The following TMEM41B variants were observed in gnomAD, a reference collection of about 807,000 sequenced individuals.
TMEM41B encodes the protein transmembrane protein 41B.
In TMEM41B, 18 loss-of-function variants were observed where a neutral mutation model predicts 31.9. That is an observed-to-expected ratio of 0.56 (90% CI 0.39 to 0.84). TMEM41B has a LOEUF of 0.84. Ranked by LOEUF, TMEM41B falls within the 40% of genes least tolerant of loss-of-function variation. TMEM41B has a pLI of 0.00. For synonymous variants in TMEM41B, 144 were observed against 124.3 expected, an observed-to-expected ratio of 1.16 and a Z score of -1.05; for missense variants, 322 against 348.0, an observed-to-expected ratio of 0.93 and a Z score of 0.59.
In TMEM41B at chr11:9,288,528, T is replaced by C. The variant is rs754702416; in HGVS notation, c.376A>G (p.Thr126Ala). Reference sequence around the variant, plus strand: ...AATATAGAGCCTGGAATAGCAAATGTTTGCAAGCTGGTAACTTTTAAGTTA... The same window carrying C: ...AATATAGAGCCTGGAATAGCAAATGCTTGCAAGCTGGTAACTTTTAAGTTA... ...AYFATYIFLQ[T>A]FAIPGSIFLS... The change falls in exon 4 of 7, where the codon ACA (threonine) becomes GCA (alanine). Residue 126 changes from threonine (T) to alanine (A), a missense_variant. Thr to Ala is a moderately conservative substitution (Grantham distance 58). Around this residue, in one of 3 missense-constraint regions of TMEM41B, gnomAD observed 183 missense variants for 175.3 expected, o/e 1.04. Transcript: ENST00000528080. 1.3e-6 allele frequency: 2 copies of C among 1,573,684 alleles called. No individual in the cohort carries two copies. Among genetic ancestry groups the C allele is most frequent in the African/African-American group, 2.7e-5 (2 of 72,878 alleles).
At chr11:9,297,442 C>T (rs561187327) in intron 2 of TMEM41B, among the ~76,000 whole-genome samples, 23 of 152,270 alleles carry the variant, frequency 1.5e-4, no homozygotes, top group Admixed American at 5.2e-4. Flanking sequence ...GCCTGTAATC[C>T]CAGCACTTTG....
chr11:9,300,177 T>C (rs544336571), intron 1 of TMEM41B, among the ~76,000 whole-genome samples: 187 of 152,310 alleles, frequency 1.2e-3, no homozygotes, highest in African/African-American at 4.3e-3. Context: ...TGAAGTTTAA[T>C]AACTGGATAT....
intron 4 of TMEM41B, 66 bp from the exon 5 acceptor site, chr11:9,287,872 C>G: frequency 1.7e-6 from 2 of 1,163,416 alleles, no homozygotes; most frequent in Non-Finnish European, 2.5e-6. Context: ...ATTTATTCAC[C>G]TGAGTAAAAA....
chr11:9,291,036 A>G (rs1307818190), intron 3 of TMEM41B, among the ~76,000 whole-genome samples: 1 of 152,138 alleles, frequency 6.6e-6, no homozygotes, highest in Non-Finnish European at 1.5e-5. Context: ...GAATCTCTTG[A>G]ACCCAGAGGG....
intron 4 of TMEM41B, chr11:9,288,189 T>A: frequency 3.0e-6 from 1 of 335,094 alleles, no homozygotes; most frequent in Non-Finnish European, 5.4e-6. Context: ...CCAACACTCC[T>A]TGGACTGTCG....
rs139926500 is a variant in TMEM41B, at chr11:9,306,117, T to A, written c.122-6416A>T. Among the ~76,000 whole-genome samples, 331 of 151,830 alleles carry A rather than the reference T, an allele frequency of 2.2e-3. 1 individual carries two copies. Among genetic ancestry groups the A allele is most frequent in the African/African-American group, 7.7e-3 (317 of 41,432 alleles). On this transcript the variant is annotated intron_variant, in intron 1 of 6. Coordinates refer to ENST00000528080, the MANE Select transcript of TMEM41B (RefSeq NM_015012.4). ...CCTCAGCCTCCCAAGCAACTGGGAT[T>A]ACAGGCATGGGCCACCACCCCCAGC... is the stretch of plus-strand genomic sequence containing the variant.
chr11:9,287,117 C>A (rs1852854351), intron 5 of TMEM41B, among the ~76,000 whole-genome samples: 1 of 151,786 alleles, frequency 6.6e-6, no homozygotes, highest in South Asian at 2.1e-4. Context: ...ACCAGCCTGG[C>A]CAACATGGTA....
At chr11:9,296,629 A>G (rs1347363426) in intron 2 of TMEM41B, among the ~76,000 whole-genome samples, 1 of 151,366 alleles carries the variant, frequency 6.6e-6, no homozygotes, top group African/African-American at 2.4e-5. Context: ...AAAAAGAAAG[A>G]AAGAAAAAAA....
intron 1 of TMEM41B, chr11:9,311,165 G>C (rs1320170896): frequency 8.4e-7 from 1 of 1,186,334 alleles, no homozygotes; most frequent in Non-Finnish European, 1.1e-6. Flanking sequence ...AAGCTCAGGC[G>C]GGGGTAGGGT....
At position 9,287,809 on chromosome 11, in the gene TMEM41B, G is replaced by A. The variant is rs1477531925; in HGVS notation, c.463-3C>T. The stretch of plus-strand genomic sequence containing the variant: ...AAAGAGGCACCAAGTCCAGAACACT[G>A]GAAAACAAAAGAAGCCATAAGCGTT... On this transcript the variant is annotated splice_region_variant and splice_polypyrimidine_tract_variant and intron_variant, in intron 4 of 6. Transcript: ENST00000528080. 2 of 1,602,338 alleles carry A rather than the reference G, an allele frequency of 1.2e-6. No homozygotes were observed. Among genetic ancestry groups the A allele is most frequent in the Non-Finnish European group, 1.7e-6 (2 of 1,174,354 alleles).
At chr11:9,293,434 A>G (rs748284887) in intron 3 of TMEM41B, among the ~76,000 whole-genome samples, 1 of 145,682 alleles carries the variant, frequency 6.9e-6, no homozygotes, top group Admixed American at 6.9e-5. Flanking sequence ...ATAACAAGAT[A>G]CTTATGTATA....
chr11:9,291,097 T>C (rs959976560), intron 3 of TMEM41B, among the ~76,000 whole-genome samples: 6 of 151,554 alleles, frequency 4.0e-5, no homozygotes, highest in South Asian at 2.1e-4. Context: ...GCCTGGGAAA[T>C]AGAGTGAGAC....
chr11:9,313,201 T>G (rs1407112420), intron 1 of TMEM41B, among the ~76,000 whole-genome samples: 1 of 152,240 alleles, frequency 6.6e-6, no homozygotes, highest in East Asian at 1.9e-4. Context: ...CAACGATTCA[T>G]TTCTCAGTTT....
At chr11:9,312,644 G>T (rs902812239) in intron 1 of TMEM41B, among the ~76,000 whole-genome samples, 1 of 152,176 alleles carries the variant, frequency 6.6e-6, no homozygotes, top group Admixed American at 6.5e-5. Context: ...GGTGGCTCAC[G>T]CCTGTAATCC....
intron 3 of TMEM41B, among the ~76,000 whole-genome samples, chr11:9,290,634 G>A (rs752096925): frequency 1.6e-4 from 24 of 152,146 alleles, no homozygotes; most frequent in Non-Finnish European, 2.8e-4. Context: ...AGGAAATTGA[G>A]AGAAGCAGAA....
intron 1 of TMEM41B, among the ~76,000 whole-genome samples, chr11:9,300,872 C>T (rs1853237819): frequency 1.3e-5 from 2 of 149,692 alleles, no homozygotes; most frequent in South Asian, 2.1e-4. Flanking sequence ...AGCAAGATTC[C>T]GTCTCAAAAA....
Position 9,314,424 on chromosome 11 carries a change from G to A in TMEM41B, c.18C>T (p.Val6=), listed in dbSNP as rs771578914. The A allele has an allele frequency of 9.6e-6, 15 of 1,560,566 alleles. No individual in the cohort carries two copies. In the Admixed American group the frequency reaches 2.7e-4, roughly 28 times the overall value. The change falls in exon 1 of 7, where the codon GTC becomes GTT. Residue 6 remains valine (V), a synonymous_variant. Transcript: ENST00000528080. MAKGR[V]AERSQLGAHH... ...GAGCGCCCAACTGCGATCGTTCGGCGACTCTGCCTTTCGCCATGGCTGCTG... is the reference window on the plus strand; with the variant it reads ...GAGCGCCCAACTGCGATCGTTCGGCAACTCTGCCTTTCGCCATGGCTGCTG...
At chr11:9,314,182 C>T (rs567150123) in intron 1 of TMEM41B, 139 bp downstream of exon 1, 2 of 1,164,624 alleles carry the variant, frequency 1.7e-6, no homozygotes, top group East Asian at 2.8e-5. Context: ...CCAACTCCCC[C>T]ACGGTCTCTG....
At chr11:9,312,012 A>C (rs1029482366) in intron 1 of TMEM41B, among the ~76,000 whole-genome samples, 17 of 152,174 alleles carry the variant, frequency 1.1e-4, no homozygotes, top group African/African-American at 3.9e-4. Context: ...ATAGAATACA[A>C]ATTCATTTCC....
Sources: gnomAD v4.1 joint callset for allele counts (sites outside exome capture counted in the v4.1 genomes callset) on GRCh38, gnomAD v4.1.1 for gene constraint, gnomAD v4.1.1 regional missense constraint, MANE v1.5 for transcripts, NCBI Gene and HGNC (gene_info 2026-07-23, HGNC 2026-07-21) for gene names.